Variants in E2F8 observed in about 807,000 individuals in gnomAD.
E2F8 encodes the protein E2F transcription factor 8, also known as transcription factor E2F8.
A neutral mutation model predicts 80.8 loss-of-function variants in E2F8; 35 were observed. That is an observed-to-expected ratio of 0.43 (90% CI 0.33 to 0.57). E2F8 has a LOEUF of 0.57. Ranked by LOEUF, E2F8 falls within the 20% of genes least tolerant of loss-of-function variation. The pLI, the probability that E2F8 is intolerant of heterozygous loss-of-function variation, is 0.04. For synonymous variants in E2F8, 386 were observed against 395.0 expected (o/e 0.98, Z 0.27); for missense variants, 975 against 1,056.2 (o/e 0.92, Z 1.07).
intron 7 of E2F8, among the ~76,000 whole-genome samples, chr11:19,231,281 G>T (rs1851373766): frequency 6.6e-6 from 1 of 152,142 alleles, no homozygotes; most frequent in Admixed American, 6.5e-5. Context: ...TCTCTCAACT[G>T]GGAGCATGTG....
rs775446360 is a variant in E2F8 at position 19,225,363 on chromosome 11, G to A, written c.2279C>T (p.Pro760Leu). 7 of 1,614,180 alleles carry A rather than the reference G, an allele frequency of 4.3e-6. 1 individual carries two copies. In the South Asian group the frequency reaches 7.7e-5, roughly 18 times the overall value. Residue 760 changes from proline (P) to leucine (L), a missense_variant, in exon 12 of 13, where the codon CCT becomes CTT. Physicochemically the swap from Pro to Leu is moderately conservative, Grantham distance 98. Transcript: ENST00000250024. ...LSASPGSGIV[P>L]VSPRIESVNV... ...AACAGACTCTATTCTTGGAGACACAGGAACGATTCCAGACCCAGGGCTGGC... is the reference window on the plus strand; with the variant it reads ...AACAGACTCTATTCTTGGAGACACAAGAACGATTCCAGACCCAGGGCTGGC...
intron 9 of E2F8, 47 bp from the exon 10 acceptor site, chr11:19,230,035 C>T: frequency 6.2e-7 from 1 of 1,605,102 alleles, no homozygotes; most frequent in Non-Finnish European, 8.5e-7. Context: ...TACATTTTTT[C>T]TGAACTGTTC....
chr11:19,237,962 G>A lies in E2F8; in HGVS notation c.186C>T (p.Asn62=), dbSNP rs993234569. ...SQGEPWTPTA[N]LKMLISAVSP... ...TCACAGCACTGATGAGCATTTTCAGGTTGGCTGTCGGTGTCCACGGCTCTC... is the reference window on the plus strand; with the variant it reads ...TCACAGCACTGATGAGCATTTTCAGATTGGCTGTCGGTGTCCACGGCTCTC... The change falls in exon 3 of 13, where the codon AAC becomes AAT. Residue 62 remains asparagine, a synonymous_variant. Transcript: ENST00000250024. 3 of 1,614,178 alleles carry A rather than the reference G, an allele frequency of 1.9e-6. No individual in the cohort carries two copies. Among genetic ancestry groups the A allele is most frequent in the Non-Finnish European group, 2.5e-6 (3 of 1,180,042 alleles).
chr11:19,237,199 C>T, intron 4 of E2F8, 115 bp downstream of exon 4: 2 of 1,031,668 alleles, frequency 1.9e-6, no homozygotes, highest in Non-Finnish European at 2.9e-6. Context: ...AATTTCCATG[C>T]CGGCTTATTT....
chr11:19,241,324 G>C (rs1439330691), upstream of E2F8: 2 of 149,402 alleles, frequency 1.3e-5, no homozygotes, highest in Non-Finnish European at 2.8e-5. This position sits in a 1 kb window ranked among gnomAD's most constrained non-coding sequence, Gnocchi z 4.5. Context: ...GGAAACGGCC[G>C]CCGCCGCCGC....
At position 19,232,343 on chromosome 11, in the gene E2F8, A is replaced by T. The variant is rs374186285; in HGVS notation, c.957T>A (p.Ala319=). ...TAAGATCCAGGCTACTCAGAACATTAGCTATATCATACAACCTCCTAATTT... is the reference window on the plus strand; with the variant it reads ...TAAGATCCAGGCTACTCAGAACATTTGCTATATCATACAACCTCCTAATTT... ...KTKIRRLYDI[A]NVLSSLDLIK... The change falls in exon 7 of 13, where the codon GCT becomes GCA. Residue 319 remains alanine (A), a synonymous_variant. Coordinates refer to ENST00000250024, the MANE Select transcript of E2F8 (RefSeq NM_024680.4). 30 of 1,613,850 alleles carry T rather than the reference A, an allele frequency of 1.9e-5. No individual in the cohort carries two copies. Among genetic ancestry groups the T allele is most frequent in the Non-Finnish European group, 2.4e-5 (28 of 1,179,970 alleles).
chr11:19,225,628 G>A lies in E2F8; in HGVS notation c.2027-13C>T, dbSNP rs1319708267. 1 of 1,611,372 alleles carries A rather than the reference G, an allele frequency of 6.2e-7. No homozygotes were observed. The highest frequency in any genetic ancestry group is 1.7e-5 in the Admixed American group (1 of 59,900). On this transcript the variant is annotated splice_polypyrimidine_tract_variant and intron_variant, in intron 11 of 12. Transcript: ENST00000250024. ...ACTGGAATAACACCTGGAAGGAAAA[G>A]GGGGAAGATATCTTAAAAGCACAGG...
Position 19,229,329 on chromosome 11 carries a change from G to T in E2F8, c.1893+125C>A. On this transcript the variant is annotated intron_variant, in intron 10 of 12. Transcript: ENST00000250024. The surrounding 1 kb of genome is among the most constrained non-coding windows in gnomAD (Gnocchi z 4.3). ...TGTTGAGGGCCTCACTTGGATTATG[G>T]GATGCTAAGGAACAGTTCCTTGTCT... The T allele has an allele frequency of 7.6e-7, 1 of 1,320,978 alleles. No individual in the cohort carries two copies. Among genetic ancestry groups the T allele is most frequent in the Non-Finnish European group, 1.0e-6 (1 of 963,082 alleles). 81.8% of individuals were successfully genotyped at this position (1,320,978 alleles called of 1,614,324 possible). A position where few individuals can be genotyped will look rare whatever the true frequency, so the allele number is the denominator to read the frequency against.
rs541607823 is a variant in E2F8 at position 19,234,783 on chromosome 11, T to G, written c.727A>C (p.Met243Leu). The G allele has an allele frequency of 6.2e-7, 1 of 1,613,876 alleles. No homozygotes were observed. The highest frequency in any genetic ancestry group is 1.3e-5 in the African/African-American group (1 of 74,924). Reference protein sequence around the residue: ...SNTGPNGHPDMCFVELPGVEF... With the variant: ...SNTGPNGHPDLCFVELPGVEF... ...ACTCCAGGGAGTTCCACAAAACACA[T>G]GTCTGGGTGTCCATTTGGGCCAGTG... Residue 243 changes from methionine to leucine, a missense_variant, in exon 5 of 13, where the codon ATG (methionine) becomes CTG (leucine). Transcript: ENST00000250024.
chr11:19,232,825 G>A (rs1851416043), intron 6 of E2F8, among the ~76,000 whole-genome samples: 1 of 152,132 alleles, frequency 6.6e-6, no homozygotes, highest in Non-Finnish European at 1.5e-5. Flanking sequence ...GGAAAATTCT[G>A]TACTCCATCA....
chr11:19,234,678 C>G (rs1322971709), intron 5 of E2F8, 66 bp downstream of exon 5: 1 of 1,549,778 alleles, frequency 6.5e-7, no homozygotes, highest in African/African-American at 1.4e-5. Flanking sequence ...GTGTTCTCCA[C>G]AGAACCTTTT....
At chr11:19,237,680 A>G (rs1401687150) in intron 3 of E2F8, among the ~76,000 whole-genome samples, 174 bp downstream of exon 3, 1 of 152,208 alleles carries the variant, frequency 6.6e-6, no homozygotes, top group African/African-American at 2.4e-5. Flanking sequence ...GCAAAGGTTC[A>G]GAATTCCCAG....
rs955143974 is a variant in E2F8 at position 19,240,190 on chromosome 11, G to T, written c.-69C>A. 5 of 1,048,396 alleles carry T rather than the reference G, an allele frequency of 4.8e-6. No individual in the cohort carries two copies. Among genetic ancestry groups the T allele is most frequent in the African/African-American group, 3.3e-5 (2 of 60,744 alleles). The allele number at this position is 1,048,396 out of a possible 1,614,324, so 64.9% of individuals were successfully genotyped here. ...TGGAGTTCCTCCCCAAATCCCGATG[G>T]TTCAAGTAGTCCAATCAATTGTACT... On this transcript the variant is annotated 5_prime_UTR_variant, in exon 2 of 13. Coordinates refer to ENST00000250024, the MANE Select transcript of E2F8 (RefSeq NM_024680.4).
rs1372165261 is a variant in E2F8 at position 19,225,015 on chromosome 11, G to A, written c.2422-175C>T. On this transcript the variant is annotated intron_variant, in intron 12 of 12. Coordinates refer to ENST00000250024, the MANE Select transcript of E2F8 (RefSeq NM_024680.4). ...ACATTCTCAATTATTTTTGTTAGGG[G>A]AGAGACAAAAATCTCATGATAACCC... is the stretch of plus-strand genomic sequence containing the variant. 28 of 1,117,986 alleles carry A rather than the reference G, an allele frequency of 2.5e-5. No homozygotes were observed. In the Admixed American group the frequency reaches 6.9e-4, roughly 28 times the overall value. The allele number at this position is 1,117,986 out of a possible 1,614,324, so 69.3% of individuals were successfully genotyped here.
Position 19,224,838 on chromosome 11 carries a change from A to C in E2F8, c.2424T>G (p.Pro808=). The part of the protein sequence containing the change: ...QSVAVTGAQQ[P]VPVTPKGSQL... Reference sequence around the variant, plus strand: ...GTGACCCTTTGGGTGTCACAGGAACAGGCTGATTGGAAAGAGAAGAATGGA... The same window carrying C: ...GTGACCCTTTGGGTGTCACAGGAACCGGCTGATTGGAAAGAGAAGAATGGA... Residue 808 remains proline, a splice_region_variant and synonymous_variant, in exon 13 of 13, where the codon CCT becomes CCG. Coordinates refer to ENST00000250024, the MANE Select transcript of E2F8 (RefSeq NM_024680.4). 1 of 1,614,152 alleles carries C rather than the reference A, an allele frequency of 6.2e-7. No individual in the cohort carries two copies. The highest frequency in any genetic ancestry group is 1.1e-5 in the South Asian group (1 of 91,076).
At position 19,234,966 on chromosome 11, in the gene E2F8, C is replaced by T. The variant is rs1481390593; in HGVS notation, c.544G>A (p.Gly182Arg). The T allele has an allele frequency of 4.3e-6, 7 of 1,614,164 alleles. No individual in the cohort carries two copies. Among genetic ancestry groups the T allele is most frequent in the East Asian group, 2.2e-5 (1 of 44,890 alleles). The part of the protein sequence containing the change: ...RLAKNRYTWH[G>R]RHNLNKTLGT... ...AGGGTTTTGTTGAGATTGTGTCGCC[C>T]GTGCCAAGTGTACCTGTTTTTGGCG... Residue 182 changes from glycine (G) to arginine (R), a missense_variant, in exon 5 of 13, where the codon GGG becomes AGG. By Grantham distance (125) the Gly-to-Arg change is moderately radical (BLOSUM62 -2). Coordinates refer to ENST00000250024, the MANE Select transcript of E2F8 (RefSeq NM_024680.4).
At chr11:19,230,011 C>A in intron 9 of E2F8, 23 bp from the exon 10 acceptor site, 1 of 1,611,136 alleles carries the variant, frequency 6.2e-7, no homozygotes, top group Non-Finnish European at 8.5e-7. Context: ...ATTTAATACA[C>A]GACATGATGG....
At chr11:19,241,160 C>A (rs542098190), upstream of E2F8, among the ~76,000 whole-genome samples, 2 of 152,324 alleles carry the variant, frequency 1.3e-5, no homozygotes, top group African/African-American at 2.4e-5. The surrounding 1 kb of genome is among the most constrained non-coding windows in gnomAD (Gnocchi z 4.5). Flanking sequence ...AAAGTCGGAC[C>A]GTGGCCGGCG....
At chr11:19,234,326 A>T (rs773193397) in intron 6 of E2F8, 34 bp downstream of exon 6, 252 of 1,607,770 alleles carry the variant, frequency 1.6e-4, no homozygotes, top group Non-Finnish European at 1.9e-4. Flanking sequence ...GTTTAAGAAT[A>T]GGTTCAAAAA....
Sources: gnomAD v4.1 joint callset for allele counts (sites outside exome capture counted in the v4.1 genomes callset) on GRCh38, gnomAD v4.1.1 for gene constraint, Gnocchi (gnomAD v3.1) non-coding constraint, MANE v1.5 for transcripts, NCBI Gene and HGNC (gene_info 2026-07-23, HGNC 2026-07-21) for gene names.